EPB42: variants seen among roughly 807,000 people sequenced by gnomAD.
EPB42 encodes erythrocyte membrane protein band 4.2.
In EPB42, 49 loss-of-function variants were observed where a neutral mutation model predicts 76.9. The ratio of observed to expected loss-of-function variants is 0.64; its 90% CI spans 0.51 to 0.81. EPB42 has a LOEUF of 0.81. EPB42 is among the 30% of genes least tolerant of loss of function. The pLI is 0.00. For synonymous variants in EPB42, 310 were observed against 338.4 expected, an observed-to-expected ratio of 0.92 and a Z score of 0.92; for missense variants, 731 against 867.6, an observed-to-expected ratio of 0.84 and a Z score of 1.98.
upstream of EPB42, among the ~76,000 whole-genome samples, chr15:43,223,045 C>T (rs1401178613): frequency 6.6e-6 from 1 of 152,154 alleles, no homozygotes; most frequent in Non-Finnish European, 1.5e-5. Flanking sequence ...AGATGGGGCA[C>T]GGTGGCTCAC....
chr15:43,209,745 C>T (rs980283342), intron 5 of EPB42: 2 of 400,658 alleles, frequency 5.0e-6, no homozygotes, highest in Non-Finnish European at 4.5e-6. Context: ...GGTTCTTAGT[C>T]CTCCACCCTG....
At chr15:43,205,777 G>T (rs898543457) in intron 10 of EPB42, among the ~76,000 whole-genome samples, 1 of 152,114 alleles carries the variant, frequency 6.6e-6, no homozygotes, top group Non-Finnish European at 1.5e-5. Context: ...CTAATGTGCA[G>T]CAAAATTTAA....
At chr15:43,207,055 T>C (rs1389269585) in intron 9 of EPB42, 144 bp downstream of exon 9, 6 of 1,204,674 alleles carry the variant, frequency 5.0e-6, no homozygotes, top group African/African-American at 3.0e-5. Flanking sequence ...CAAATGTCAA[T>C]GGTGTCAAAT....
At chr15:43,220,593 T>G in intron 1 of EPB42, 1 of 874,776 alleles carries the variant, frequency 1.1e-6, no homozygotes, top group Non-Finnish European at 1.9e-6. Context: ...GCACCCATCA[T>G]CACACCACGC....
chr15:43,210,807 C>T lies in EPB42; in HGVS notation c.550-368G>A, dbSNP rs145968376. 4.6e-4 allele frequency among the ~76,000 whole-genome samples: 70 copies of T among 152,262 alleles called. 1 individual carries two copies. In the South Asian group the frequency reaches 5.4e-3, roughly 12 times the overall value. On this transcript the variant is annotated intron_variant, in intron 4 of 12. Transcript: ENST00000441366. ...GCCCTGAACCGGGAGTGGAGGATACCGAGGCAGCTCCTGTTCCTGAGGAGC... is the reference window on the plus strand; with the variant it reads ...GCCCTGAACCGGGAGTGGAGGATACTGAGGCAGCTCCTGTTCCTGAGGAGC...
Position 43,216,359 on chromosome 15 carries a change from C to G in EPB42, c.105G>C (p.Arg35Ser). Residue 35 changes from arginine (R) to serine (S), a missense_variant, in exon 2 of 13, where the codon AGG becomes AGC. Physicochemically the swap from Arg to Ser is moderately radical, Grantham distance 110. Coordinates refer to ENST00000441366, the MANE Select transcript of EPB42 (RefSeq NM_001114134.2). ...ALSSRRLFVR[R>S]GQPFTIILYF... ...ACAGGATGATGGTGAAGGGCTGCCC[C>G]CTCCTCACAAAGAGGCGCCGGGAGC... The G allele has an allele frequency of 1.2e-6, 2 of 1,614,202 alleles. No homozygotes were observed. Among genetic ancestry groups the G allele is most frequent in the East Asian group, 2.2e-5 (1 of 44,884 alleles).
chr15:43,208,378 T>G (rs2042238714), intron 7 of EPB42, 45 bp from the exon 8 acceptor site: 1 of 1,587,992 alleles, frequency 6.3e-7, no homozygotes, highest in African/African-American at 1.3e-5. Flanking sequence ...AGAAAACGAG[T>G]GCTGAAGAGG....
chr15:43,222,526 C>T (rs896504930), upstream of EPB42, among the ~76,000 whole-genome samples: 1 of 152,146 alleles, frequency 6.6e-6, no homozygotes, highest in Admixed American at 6.5e-5. Flanking sequence ...CATTTCTTCC[C>T]AAGTTGATCT....
At chr15:43,212,195 C>A (rs1488351444) in intron 3 of EPB42, among the ~76,000 whole-genome samples, 4 of 152,040 alleles carry the variant, frequency 2.6e-5, no homozygotes, top group African/African-American at 9.7e-5. Flanking sequence ...TGGTGAAACC[C>A]TGTCTCTACT....
chr15:43,215,525 C>T (rs1013668923), intron 2 of EPB42, among the ~76,000 whole-genome samples, 197 bp from the exon 3 acceptor site: 1 of 152,162 alleles, frequency 6.6e-6, no homozygotes, highest in African/African-American at 2.4e-5. Flanking sequence ...ACCTTCATCA[C>T]AGTCTATAAA....
At chr15:43,221,821 T>TAAAA (rs56939497), upstream of EPB42, among the ~76,000 whole-genome samples, 1,615 of 107,394 alleles carry the variant, frequency 0.015, 55 homozygotes, top group African/African-American at 0.055. Flanking sequence ...TCTTATTATG[T>TAAAA]AAAAAAAAAA....
intron 2 of EPB42, among the ~76,000 whole-genome samples, 163 bp downstream of exon 2, chr15:43,216,105 T>C (rs1302524843): frequency 6.6e-6 from 1 of 152,210 alleles, no homozygotes; most frequent in Non-Finnish European, 1.5e-5. Context: ...ACCAGGCACA[T>C]AATCTCGTGG....
At chr15:43,199,340 T>C (rs1423084508) in intron 12 of EPB42, among the ~76,000 whole-genome samples, 1 of 152,216 alleles carries the variant, frequency 6.6e-6, no homozygotes, top group Non-Finnish European at 1.5e-5. Context: ...CTTGCATTAT[T>C]GTGACCTAGA....
At chr15:43,213,068 T>TCC (rs2042324909) in intron 3 of EPB42, among the ~76,000 whole-genome samples, 1 of 152,102 alleles carries the variant, frequency 6.6e-6, no homozygotes, top group African/African-American at 2.4e-5. Context: ...CAAGGAGCCC[T>TCC]CCACTCCTGC....
chr15:43,212,664 C>T (rs990619722), intron 3 of EPB42, among the ~76,000 whole-genome samples: 7 of 152,104 alleles, frequency 4.6e-5, no homozygotes, highest in African/African-American at 1.4e-4. Flanking sequence ...ATTTCTGCCC[C>T]GGGGGTGTCC....
upstream of EPB42, among the ~76,000 whole-genome samples, chr15:43,224,064 G>T (rs2042486530): frequency 6.6e-6 from 1 of 152,124 alleles, no homozygotes; most frequent in Non-Finnish European, 1.5e-5. Flanking sequence ...AGTCAGACTG[G>T]GTGGCTTAAA....
chr15:43,202,499 C>T (rs1461008196), intron 11 of EPB42, among the ~76,000 whole-genome samples: 1 of 152,230 alleles, frequency 6.6e-6, no homozygotes, highest in African/African-American at 2.4e-5. Flanking sequence ...TCCCCAAACC[C>T]ACCAGCTGGA....
intron 6 of EPB42, 44 bp from the exon 7 acceptor site, chr15:43,208,819 G>C (rs762618432): frequency 1.2e-6 from 2 of 1,600,620 alleles, no homozygotes; most frequent in Non-Finnish European, 1.7e-6. Context: ...TTGAGAGACC[G>C]GGCTGGGGGC....
At chr15:43,208,142 T>C (rs566950708) in intron 8 of EPB42, 88 bp downstream of exon 8, 1 of 1,188,992 alleles carries the variant, frequency 8.4e-7, no homozygotes, top group African/African-American at 1.5e-5. Flanking sequence ...GCAGACCCCC[T>C]TGGGACTGCC....
Sources: gnomAD v4.1 joint callset for allele counts (sites outside exome capture counted in the v4.1 genomes callset) on GRCh38, gnomAD v4.1.1 for gene constraint, MANE v1.5 for transcripts, NCBI Gene and HGNC (gene_info 2026-07-23, HGNC 2026-07-21) for gene names.